The following CTXND1 variants were observed in gnomAD, a reference collection of about 807,000 sequenced individuals.
CTXND1 encodes the protein cortexin domain-containing 1 protein.
rs114530207 is a variant in CTXND1, at chr15:80,248,799, A to C, written c.-218+3208T>G. Among the ~76,000 whole-genome samples, 388 of 152,336 alleles carry C rather than the reference A, an allele frequency of 2.5e-3. 1 individual carries two copies. Among genetic ancestry groups the C allele is most frequent in the Middle Eastern group, 0.024 (7 of 294 alleles). ...AGCCTCTAAATAACAGACAGGTGTC[A>C]GTATGCCTGCTGCCTCTGGTCAACT... On this transcript the variant is annotated intron_variant, in intron 1 of 2. Coordinates refer to ENST00000560778, the MANE Select transcript of CTXND1 (RefSeq NM_001352888.2).
At chr15:80,243,439 G>T (rs938469949) in intron 1 of CTXND1, among the ~76,000 whole-genome samples, 1 of 152,148 alleles carries the variant, frequency 6.6e-6, no homozygotes, top group African/African-American at 2.4e-5. Context: ...GGCCACTCAC[G>T]GGGTGAGTGG....
At chr15:80,226,928 A>C (rs1893378524) in intron 1 of CTXND1, among the ~76,000 whole-genome samples, 1 of 152,100 alleles carries the variant, frequency 6.6e-6, no homozygotes, top group African/African-American at 2.4e-5. Flanking sequence ...AAGAGTAATA[A>C]ATTCACCATT....
At chr15:80,218,022 T>C (rs1000241094) in intron 1 of CTXND1, among the ~76,000 whole-genome samples, 2 of 152,240 alleles carry the variant, frequency 1.3e-5, no homozygotes, top group African/African-American at 4.8e-5. Flanking sequence ...ATCTGGGAAA[T>C]GTATAACTTC....
At chr15:80,240,509 T>C (rs1397269533) in intron 1 of CTXND1, among the ~76,000 whole-genome samples, 2 of 146,422 alleles carry the variant, frequency 1.4e-5, no homozygotes, top group South Asian at 4.8e-4. Flanking sequence ...CTGCCAACAC[T>C]CCCCCCCCAC....
At position 80,197,387 on chromosome 15, in the gene CTXND1, T is replaced by C. The variant is rs1567126141; in HGVS notation, c.*4383A>G. 1 of 152,296 alleles carries C rather than the reference T, an allele frequency of 6.6e-6. No homozygotes were observed. Among genetic ancestry groups the C allele is most frequent in the Non-Finnish European group, 1.5e-5 (1 of 68,088 alleles). The allele number at this position is 152,296 out of a possible 1,614,324, so 9.4% of individuals were successfully genotyped here. ...GCCTTGTCATCCCTGGGTGTTTTAC[T>C]GTTCCCTGTTGTTTTCCATACCCTT... On this transcript the variant is annotated 3_prime_UTR_variant, in exon 3 of 3. Transcript: ENST00000560778.
chr15:80,251,818 G>C (rs1187050251), intron 1 of CTXND1, among the ~76,000 whole-genome samples, 189 bp downstream of exon 1: 1 of 152,034 alleles, frequency 6.6e-6, no homozygotes, highest in Non-Finnish European at 1.5e-5. Context: ...GTGCCGCCGA[G>C]GAGGGGATCG....
intron 1 of CTXND1, among the ~76,000 whole-genome samples, chr15:80,211,247 G>A (rs962992525): frequency 1.3e-5 from 2 of 152,198 alleles, no homozygotes; most frequent in African/African-American, 2.4e-5. Flanking sequence ...GAGAGAGCAC[G>A]CCACTTCTCA....
chr15:80,234,560 G>A (rs903983553), intron 1 of CTXND1, among the ~76,000 whole-genome samples: 1 of 148,120 alleles, frequency 6.8e-6, no homozygotes, highest in Non-Finnish European at 1.5e-5. Context: ...TCACTGCAAC[G>A]TCTACCTCCC....
intron 1 of CTXND1, among the ~76,000 whole-genome samples, chr15:80,237,807 G>A (rs965265778): frequency 4.0e-5 from 6 of 151,864 alleles, no homozygotes; most frequent in Middle Eastern, 3.2e-3. Context: ...TCAGGAGTTC[G>A]AGACCAGCCT....
chr15:80,245,559 A>G (rs370638070), intron 1 of CTXND1, among the ~76,000 whole-genome samples: 2 of 152,100 alleles, frequency 1.3e-5, no homozygotes, highest in Non-Finnish European at 2.9e-5. Context: ...TTTCTATCCC[A>G]GCCTTGAAGT....
intron 1 of CTXND1, among the ~76,000 whole-genome samples, chr15:80,229,469 C>T (rs968488023): frequency 6.6e-6 from 1 of 152,148 alleles, no homozygotes; most frequent in Non-Finnish European, 1.5e-5. Context: ...GAGTGCTGAC[C>T]AGGCAAACTA....
intron 1 of CTXND1, among the ~76,000 whole-genome samples, chr15:80,216,930 G>C (rs779795701): frequency 3.9e-5 from 6 of 152,056 alleles, no homozygotes; most frequent in Non-Finnish European, 8.8e-5. Context: ...CATTATTTTA[G>C]AGTTTGATGG....
At chr15:80,215,843 C>G (rs1893247178) in intron 1 of CTXND1, among the ~76,000 whole-genome samples, 1 of 152,144 alleles carries the variant, frequency 6.6e-6, no homozygotes, top group Non-Finnish European at 1.5e-5. Flanking sequence ...TCCCTCTGGA[C>G]GTTGCTTAGG....
intron 1 of CTXND1, among the ~76,000 whole-genome samples, chr15:80,207,489 G>C (rs920798948): frequency 8.6e-5 from 13 of 152,042 alleles, no homozygotes; most frequent in African/African-American, 3.1e-4. Context: ...TTTCCACCTT[G>C]TCACTGATAT....
Position 80,199,574 on chromosome 15 carries a change from G to A in CTXND1, c.*2196C>T, listed in dbSNP as rs537947023. On this transcript the variant is annotated 3_prime_UTR_variant, in exon 3 of 3. Transcript: ENST00000560778. ...GAGGGCTGCTGCTGCTGAACCTGAG[G>A]CAATGCACAAAAGGCTTTTGCTTTA... The A allele has an allele frequency of 1.0e-4, 16 of 152,406 alleles. No individual in the cohort carries two copies. Among genetic ancestry groups the A allele is most frequent in the Non-Finnish European group, 5.9e-5 (4 of 68,096 alleles). 9.4% of individuals were successfully genotyped at this position (152,406 alleles called of 1,614,324 possible).
chr15:80,208,398 A>T (rs963071847), intron 1 of CTXND1, among the ~76,000 whole-genome samples: 1 of 152,330 alleles, frequency 6.6e-6, no homozygotes, highest in South Asian at 2.1e-4. Context: ...TACAATCTGC[A>T]CATGCTGGGG....
intron 1 of CTXND1, among the ~76,000 whole-genome samples, chr15:80,227,043 A>G (rs1252077948): frequency 3.9e-5 from 6 of 151,996 alleles, no homozygotes; most frequent in Non-Finnish European, 7.4e-5. Context: ...TGGTTTATTG[A>G]GTTTTATTGA....
intron 1 of CTXND1, among the ~76,000 whole-genome samples, chr15:80,204,624 T>A (rs1448090153): frequency 4.1e-5 from 6 of 145,172 alleles, no homozygotes; most frequent in South Asian, 4.5e-4. Context: ...TCATTTTTTT[T>A]AAGGTCCGAA....
intron 1 of CTXND1, among the ~76,000 whole-genome samples, chr15:80,220,913 T>A (rs989705451): frequency 4.6e-5 from 4 of 87,002 alleles, no homozygotes; most frequent in East Asian, 6.0e-4. Context: ...ATTATTATTA[T>A]TTTTTTTTTT....
Sources: gnomAD v4.1 joint callset for allele counts (sites outside exome capture counted in the v4.1 genomes callset) on GRCh38, gnomAD v4.1.1 for gene constraint, MANE v1.5 for transcripts, NCBI Gene and HGNC (gene_info 2026-07-23, HGNC 2026-07-21) for gene names.